Variants in PPP1R3B observed in about 807,000 individuals in gnomAD.
PPP1R3B encodes the protein PP1 subunit R4.
Under a neutral mutation model 14.6 loss-of-function variants are expected in PPP1R3B, and 8 were observed. That is an observed-to-expected ratio of 0.55 (90% confidence interval 0.32 to 0.99). PPP1R3B has a LOEUF of 0.99. PPP1R3B is among the 50% of genes least tolerant of loss of function. The pLI, the probability that PPP1R3B is intolerant of heterozygous loss-of-function variation, is 0.04. For missense variants in PPP1R3B, 452 were observed against 360.1 expected (o/e 1.26, Z -2.07); for synonymous variants, 169 against 142.0 (o/e 1.19, Z -1.35).
chr8:9,149,678 G>A (rs1246786202), intron 1 of PPP1R3B, among the ~76,000 whole-genome samples: 1 of 152,188 alleles, frequency 6.6e-6, no homozygotes, highest in South Asian at 2.1e-4. Context: ...CCTTCCAAAA[G>A]GTTTCACTGA....
Position 9,139,224 on chromosome 8 carries a change from GTC to G in PPP1R3B, c.*1568_*1569del, listed in dbSNP as rs1800989056. 1 of 152,082 alleles carries G rather than the reference GTC, an allele frequency of 6.6e-6. No individual in the cohort carries two copies. Among genetic ancestry groups the G allele is most frequent in the African/African-American group, 2.4e-5 (1 of 41,388 alleles). The allele number at this position is 152,082 out of a possible 1,614,324, so 9.4% of individuals were successfully genotyped here. A position where few individuals can be genotyped will look rare whatever the true frequency, so the allele number is the denominator to read the frequency against. ...TAAGCCACCACACTCGGCCCCAGAG[GTC>G]TCTTTTACAACAGCACTAACCAACA... On this transcript the variant is annotated 3_prime_UTR_variant, in exon 2 of 2. Transcript: ENST00000310455.
At position 9,137,779 on chromosome 8, in the gene PPP1R3B, G is replaced by C. The variant is rs757517427; in HGVS notation, c.*3015C>G. The C allele has an allele frequency of 6.6e-6, 1 of 152,228 alleles. No homozygotes were observed. The highest frequency in any genetic ancestry group is 2.4e-5 in the African/African-American group (1 of 41,436). The allele number at this position is 152,228 out of a possible 1,614,324, so 9.4% of individuals were successfully genotyped here. ...TTTATTGGAGAAGAAGGGTCTTTGC[G>C]AGCAGGTGAGGACTTGCCTTCTGAA... On this transcript the variant is annotated 3_prime_UTR_variant, in exon 2 of 2. Transcript: ENST00000310455.
intron 1 of PPP1R3B, among the ~76,000 whole-genome samples, chr8:9,146,436 C>G (rs1322480747): frequency 6.6e-6 from 1 of 152,144 alleles, no homozygotes; most frequent in East Asian, 1.9e-4. Flanking sequence ...GCTGGGACCA[C>G]TGGTTCAGTT....
rs1282178458 is a variant in PPP1R3B, at chr8:9,141,061, G to C, written c.591C>G (p.Ser197Arg). The change falls in exon 2 of 2, where the codon AGC (serine) becomes AGG (arginine). Residue 197 changes from serine (S) to arginine (R), a missense_variant. Transcript: ENST00000310455. Reference protein sequence around the residue: ...SDRDTFSFDISLPEKIQSYER... With the variant: ...SDRDTFSFDIRLPEKIQSYER... ...CATAAGACTGAATCTTCTCGGGCAA[G>C]CTGATGTCGAAGGAGAACGTGTCCC... 1.2e-6 allele frequency: 2 copies of C among 1,614,178 alleles called. No homozygotes were observed. The highest frequency in any genetic ancestry group is 3.3e-5 in the Admixed American group (2 of 60,022).
At chr8:9,146,542 A>G (rs1246389098) in intron 1 of PPP1R3B, among the ~76,000 whole-genome samples, 2 of 152,154 alleles carry the variant, frequency 1.3e-5, no homozygotes, top group East Asian at 1.9e-4. Context: ...ATTTGACCCC[A>G]TTTTTCCAAA....
chr8:9,146,379 C>T (rs1206728524), intron 1 of PPP1R3B, among the ~76,000 whole-genome samples: 1 of 152,082 alleles, frequency 6.6e-6, no homozygotes, highest in Admixed American at 6.5e-5. Context: ...CAGCCATGGC[C>T]ACCCCTGAGA....
In PPP1R3B at chr8:9,141,380, T is replaced by C. The variant is rs770636746; in HGVS notation, c.272A>G (p.Asn91Ser). ...EFDDPLDMPF[N>S]ITELLDNIVS... ...AATGTTGTCTAGGAGCTCGGTGATG[T>C]TGAATGGCATATCTAGCGGGTCATC... The change falls in exon 2 of 2, where the codon AAC becomes AGC. Residue 91 changes from asparagine (N) to serine (S), a missense_variant. By Grantham distance (46) the Asn-to-Ser change is conservative. Coordinates refer to ENST00000310455, the MANE Select transcript of PPP1R3B (RefSeq NM_024607.4). The C allele has an allele frequency of 1.9e-6, 3 of 1,614,244 alleles. No individual in the cohort carries two copies. The highest frequency in any genetic ancestry group is 2.5e-6 in the Non-Finnish European group (3 of 1,180,036).
rs1429888780 is a variant in PPP1R3B at position 9,138,957 on chromosome 8, C to CG, written c.*1836dup. Reference sequence around the variant, plus strand: ...CTTTTTTGAGACAGTTTCACTCTGTCGCTCAGGCTGAAATGCAGTGACGTG... The same window carrying CG: ...CTTTTTTGAGACAGTTTCACTCTGTCGGCTCAGGCTGAAATGCAGTGACGTG... On this transcript the variant is annotated 3_prime_UTR_variant, in exon 2 of 2. Coordinates refer to ENST00000310455, the MANE Select transcript of PPP1R3B (RefSeq NM_024607.4). The CG allele has an allele frequency of 2.0e-5, 3 of 152,208 alleles. No homozygotes were observed. Among genetic ancestry groups the CG allele is most frequent in the African/African-American group, 7.2e-5 (3 of 41,444 alleles). 9.4% of individuals were successfully genotyped at this position (152,208 alleles called of 1,614,324 possible).
chr8:9,145,635 T>C (rs1160893393), intron 1 of PPP1R3B, among the ~76,000 whole-genome samples: 1 of 152,206 alleles, frequency 6.6e-6, no homozygotes, highest in Non-Finnish European at 1.5e-5. Context: ...CTAGACTCCA[T>C]GTTGTCCAAG....
chr8:9,148,298 C>G (rs1801302565), intron 1 of PPP1R3B, among the ~76,000 whole-genome samples: 1 of 152,176 alleles, frequency 6.6e-6, no homozygotes, highest in Admixed American at 6.5e-5. Flanking sequence ...AGGCTGCAGC[C>G]CAGCCTCCTC....
At chr8:9,145,396 G>A (rs1194276926) in intron 1 of PPP1R3B, 1 of 152,128 alleles carries the variant, frequency 6.6e-6, no homozygotes, top group Admixed American at 6.5e-5. Context: ...TCCACTTAAT[G>A]AATAGTAAAT....
chr8:9,144,196 T>G (rs1470071699), intron 1 of PPP1R3B, among the ~76,000 whole-genome samples: 1 of 151,338 alleles, frequency 6.6e-6, no homozygotes, highest in Non-Finnish European at 1.5e-5. Flanking sequence ...TTTTTTTTTT[T>G]TTTTTGTTTG....
At chr8:9,144,728 C>T (rs1801183979) in intron 1 of PPP1R3B, among the ~76,000 whole-genome samples, 1 of 152,016 alleles carries the variant, frequency 6.6e-6, no homozygotes, top group African/African-American at 2.4e-5. Flanking sequence ...ATGTGATGTA[C>T]TTTTATTTTT....
In PPP1R3B at chr8:9,141,686, G is replaced by C. The variant is rs751427352; in HGVS notation, c.-17-18C>G. 33 of 1,592,832 alleles carry C rather than the reference G, an allele frequency of 2.1e-5. No homozygotes were observed. Among genetic ancestry groups the C allele is most frequent in the Non-Finnish European group, 2.7e-5 (31 of 1,166,112 alleles). ...TGAACAGGCTAGAACCGTGGAAAGG[G>C]AAGAGAAGAAAGAAAACAGTGGAGC... On this transcript the variant is annotated intron_variant, in intron 1 of 1. Coordinates refer to ENST00000310455, the MANE Select transcript of PPP1R3B (RefSeq NM_024607.4).
intron 1 of PPP1R3B, among the ~76,000 whole-genome samples, chr8:9,147,353 G>A (rs1176276794): frequency 6.6e-6 from 1 of 152,092 alleles, no homozygotes; most frequent in Non-Finnish European, 1.5e-5. Flanking sequence ...TGGCATCCCA[G>A]TGCCCCCCAC....
chr8:9,149,062 G>A (rs1283117207), intron 1 of PPP1R3B, among the ~76,000 whole-genome samples: 110 of 147,922 alleles, frequency 7.4e-4, no homozygotes, highest in Non-Finnish European at 8.8e-4. Flanking sequence ...GCGTGGCGGC[G>A]GGCGCCTGTA....
rs1462591794 is a variant in PPP1R3B at position 9,139,331 on chromosome 8, C to T, written c.*1463G>A. 1 of 152,180 alleles carries T rather than the reference C, an allele frequency of 6.6e-6. No individual in the cohort carries two copies. Among genetic ancestry groups the T allele is most frequent in the Non-Finnish European group, 1.5e-5 (1 of 68,026 alleles). 9.4% of individuals were successfully genotyped at this position (152,180 alleles called of 1,614,324 possible). A position where few individuals can be genotyped will look rare whatever the true frequency, so the allele number is the denominator to read the frequency against. ...AAACGTTTAAAATAACGTATAAGAA[C>T]TTGGGTGAGGTTTTTCTCCCCTATC... On this transcript the variant is annotated 3_prime_UTR_variant, in exon 2 of 2. Transcript: ENST00000310455.
rs1800901476 is a variant in PPP1R3B, at chr8:9,136,694, TTGTG to T, written c.*4096_*4099del. On this transcript the variant is annotated 3_prime_UTR_variant, in exon 2 of 2. Coordinates refer to ENST00000310455, the MANE Select transcript of PPP1R3B (RefSeq NM_024607.4). ...ATTAAGATAAGCTGCCAAATTGTCTTTGTGTGACCCTATAAGATCCCATCATCCA... is the reference window on the plus strand; with the variant it reads ...ATTAAGATAAGCTGCCAAATTGTCTTTGACCCTATAAGATCCCATCATCCA... 6.6e-6 allele frequency: 1 copy of T among 152,248 alleles called. No homozygotes were observed. Among genetic ancestry groups the T allele is most frequent in the African/African-American group, 2.4e-5 (1 of 41,474 alleles). The allele number at this position is 152,248 out of a possible 1,614,324, so 9.4% of individuals were successfully genotyped here.
At chr8:9,151,506 G>A (rs1395427881), upstream of PPP1R3B, 5 of 182,320 alleles carry the variant, frequency 2.7e-5, no homozygotes, top group Non-Finnish European at 4.7e-5. Context: ...GAGCTGCGCG[G>A]TCACCTCCTC....
Sources: allele counts gnomAD v4.1 joint callset (sites outside exome capture counted in the v4.1 genomes callset), GRCh38; gene constraint gnomAD v4.1.1; transcripts MANE v1.5; gene names NCBI Gene and HGNC (gene_info 2026-07-23, HGNC 2026-07-21).